RBFOX3: variants seen among roughly 807,000 people sequenced by gnomAD.
The protein encoded by RBFOX3 is RNA binding protein fox-1 homolog 3.
RBFOX3 carries 17 observed loss-of-function variants against 48.7 expected under a neutral mutation model. That is an observed-to-expected ratio of 0.35 (90% CI 0.24 to 0.52). The LOEUF (loss-of-function observed/expected upper bound fraction) is 0.52, where lower values mean the gene tolerates loss of function less well. RBFOX3 is among the 20% of genes least tolerant of loss of function. The pLI, the probability that RBFOX3 is intolerant of heterozygous loss-of-function variation, is 0.94. For synonymous variants in RBFOX3, 212 were observed against 209.5 expected, an observed-to-expected ratio of 1.01 and a Z score of -0.10; for missense variants, 382 against 497.5, an observed-to-expected ratio of 0.77 and a Z score of 2.21.
At chr17:79,319,761 CTGTCTGGGCTGCTGGTCTA>C (rs1406211816) in intron 2 of RBFOX3, among the ~76,000 whole-genome samples, 1 of 93,332 alleles carries the variant, frequency 1.1e-5, no homozygotes, top group Non-Finnish European at 2.3e-5. Context: ...GCTGCTGGTC[CTGTCTGGGCTGCTGGTCTA>C]TGTCTGGGCT....
chr17:79,586,537 A>G (rs1288697595), intron 1 of RBFOX3, among the ~76,000 whole-genome samples: 3 of 152,214 alleles, frequency 2.0e-5, no homozygotes, highest in Non-Finnish European at 4.4e-5. Flanking sequence ...CCCTTCCCCC[A>G]GGCATGAGGA....
intron 2 of RBFOX3, among the ~76,000 whole-genome samples, chr17:79,387,953 T>C (rs1250882129): frequency 1.3e-5 from 2 of 152,140 alleles, no homozygotes; most frequent in African/African-American, 2.4e-5. Flanking sequence ...TGTGTGCATG[T>C]ACATGCATGT....
At chr17:79,346,182 C>T (rs2082894954) in intron 2 of RBFOX3, among the ~76,000 whole-genome samples, 1 of 152,204 alleles carries the variant, frequency 6.6e-6, no homozygotes, top group South Asian at 2.1e-4. Flanking sequence ...CTCAGCCTCC[C>T]AAAGTGCTAG....
the RBFOX3 span, among the ~76,000 whole-genome samples, chr17:79,664,438 C>T: frequency 6.6e-6 from 1 of 152,086 alleles, no homozygotes; most frequent in Non-Finnish European, 1.5e-5. Flanking sequence ...CTCCGCCCCC[C>T]GGGGTTCACG....
intron 2 of RBFOX3, among the ~76,000 whole-genome samples, chr17:79,397,279 G>A (rs747299773): frequency 2.6e-5 from 4 of 151,976 alleles, no homozygotes; most frequent in Admixed American, 1.3e-4. Context: ...TCAAGAGATC[G>A]AAACCATCCT....
chr17:79,210,515 C>A (rs751867064), intron 4 of RBFOX3, among the ~76,000 whole-genome samples: 2 of 152,228 alleles, frequency 1.3e-5, no homozygotes, highest in African/African-American at 4.8e-5. Flanking sequence ...CCCTTTACGG[C>A]GGACAGGTAA....
chr17:79,440,254 C>T (rs1719473540), intron 2 of RBFOX3, among the ~76,000 whole-genome samples: 1 of 152,260 alleles, frequency 6.6e-6, no homozygotes, highest in African/African-American at 2.4e-5. Context: ...AGAGACAGCG[C>T]TGTCCTGCGG....
rs540846066 is a variant in RBFOX3, at chr17:79,130,042, G to A, written c.-33-14294C>T. Among the ~76,000 whole-genome samples, 268 of 152,274 alleles carry A rather than the reference G, an allele frequency of 1.8e-3. 2 individuals are homozygous for A. The highest frequency in any genetic ancestry group is 6.1e-3 in the African/African-American group (253 of 41,562). Reference sequence around the variant, plus strand: ...AGGCTGGGCAGCGCTGCTTGCTGGGGAAAGGCTCAGGAGGTGCCCAGGCCT... The same window carrying A: ...AGGCTGGGCAGCGCTGCTTGCTGGGAAAAGGCTCAGGAGGTGCCCAGGCCT... On this transcript the variant is annotated intron_variant, in intron 4 of 14. Coordinates refer to ENST00000693108, the MANE Select transcript of RBFOX3 (RefSeq NM_001350451.2).
chr17:79,478,616 T>G (rs2078322527), intron 2 of RBFOX3, among the ~76,000 whole-genome samples: 2 of 152,176 alleles, frequency 1.3e-5, no homozygotes, highest in South Asian at 4.2e-4. Context: ...AGCAATGTGG[T>G]TTAGGAAAAT....
chr17:79,109,713 CAG>C (rs1423002450), intron 5 of RBFOX3, among the ~76,000 whole-genome samples: 1 of 152,164 alleles, frequency 6.6e-6, no homozygotes, highest in African/African-American at 2.4e-5. Flanking sequence ...TGAGTCATCC[CAG>C]ATTCAGGAAT....
chr17:79,200,248 C>T (rs753887955), intron 4 of RBFOX3, among the ~76,000 whole-genome samples: 3 of 152,030 alleles, frequency 2.0e-5, no homozygotes, highest in Non-Finnish European at 4.4e-5. Flanking sequence ...TGGCCAAAGC[C>T]GAGTGTACAG....
rs1600497449 is a variant in RBFOX3 at position 79,299,406 on chromosome 17, A to G, written c.-74+8318T>C. The stretch of plus-strand genomic sequence containing the variant: ...ATTAAACCAACCACAGGTCAAAAGT[A>G]TTAGAAAAATAAATAAAAATAATGA... On this transcript the variant is annotated intron_variant, in intron 3 of 14. Coordinates refer to ENST00000693108, the MANE Select transcript of RBFOX3 (RefSeq NM_001350451.2). This position sits in a 1 kb window ranked among gnomAD's most constrained non-coding sequence, Gnocchi z 4.5. 6.6e-6 allele frequency among the ~76,000 whole-genome samples: 1 copy of G among 152,216 alleles called. No individual in the cohort carries two copies. The highest frequency in any genetic ancestry group is 6.5e-5 in the Admixed American group (1 of 15,288).
intron 1 of RBFOX3, among the ~76,000 whole-genome samples, chr17:79,496,575 G>A (rs1341210008): frequency 1.3e-5 from 2 of 152,200 alleles, no homozygotes; most frequent in Non-Finnish European, 2.9e-5. Flanking sequence ...AAGCTGCCCA[G>A]GCCCTGGCGG....
chr17:79,341,149 G>A lies in RBFOX3; in HGVS notation c.-174-33325C>T, dbSNP rs115375146. On this transcript the variant is annotated intron_variant, in intron 2 of 14. Transcript: ENST00000693108. ...TGCACACGGGAAGGCAGACATGCACGTATGCACAGTGTGTACACAGTCATG... is the reference window on the plus strand; with the variant it reads ...TGCACACGGGAAGGCAGACATGCACATATGCACAGTGTGTACACAGTCATG... Among the ~76,000 whole-genome samples the A allele has an allele frequency of 5.4e-3, 819 of 152,320 alleles. 8 individuals carry two copies. Among genetic ancestry groups the A allele is most frequent in the African/African-American group, 0.019 (799 of 41,568 alleles).
At chr17:79,609,444 C>G (rs895126587) in intron 1 of RBFOX3, among the ~76,000 whole-genome samples, 6 of 152,236 alleles carry the variant, frequency 3.9e-5, no homozygotes, top group African/African-American at 1.4e-4. Context: ...GGATGGATCC[C>G]TTGGGTCTCT....
At chr17:79,330,204 C>T (rs908719556) in intron 2 of RBFOX3, among the ~76,000 whole-genome samples, 18 of 152,208 alleles carry the variant, frequency 1.2e-4, no homozygotes, top group African/African-American at 4.1e-4. Context: ...ACAGCAATGT[C>T]TTCTCTTTCC....
intron 4 of RBFOX3, among the ~76,000 whole-genome samples, chr17:79,137,205 C>T (rs897478167): frequency 4.0e-5 from 6 of 151,572 alleles, no homozygotes; most frequent in South Asian, 2.1e-4. Context: ...ACGCAGGCCT[C>T]GTGGACATGT....
At chr17:79,130,953 G>A (rs772257984) in intron 4 of RBFOX3, among the ~76,000 whole-genome samples, 6 of 152,290 alleles carry the variant, frequency 3.9e-5, no homozygotes, top group African/African-American at 9.6e-5. Flanking sequence ...GCACCTGCAA[G>A]GCAGCGTGCT....
the RBFOX3 span, among the ~76,000 whole-genome samples, chr17:79,634,809 C>A: frequency 6.6e-6 from 1 of 152,006 alleles, no homozygotes; most frequent in Admixed American, 6.5e-5. Flanking sequence ...CCTGTAATCC[C>A]AGCACTTTGG....
Sources: allele counts gnomAD v4.1 joint callset (sites outside exome capture counted in the v4.1 genomes callset), GRCh38; gene constraint gnomAD v4.1.1; non-coding constraint Gnocchi (gnomAD v3.1); transcripts MANE v1.5; gene names NCBI Gene and HGNC (gene_info 2026-07-23, HGNC 2026-07-21).